ITPR2: variants seen among roughly 807,000 people sequenced by gnomAD.
The protein encoded by ITPR2 is inositol 1,4,5-trisphosphate-gated calcium channel ITPR2.
Under a neutral mutation model 317.1 loss-of-function variants are expected in ITPR2, and 207 were observed. That is an observed-to-expected ratio of 0.65 (90% CI 0.58 to 0.73). The LOEUF (loss-of-function observed/expected upper bound fraction) is 0.73, where lower values mean the gene tolerates loss of function less well. ITPR2 is among the 30% of genes least tolerant of loss of function. The pLI, the probability that ITPR2 is intolerant of heterozygous loss-of-function variation, is 0.00. For missense variants in ITPR2, 2,613 were observed against 3,284.0 expected (o/e 0.80, Z 4.99); for synonymous variants, 1,156 against 1,149.1 (o/e 1.01, Z -0.12).
At chr12:26,666,995 CA>C (rs1947644997) in intron 13 of ITPR2, among the ~76,000 whole-genome samples, 1 of 152,280 alleles carries the variant, frequency 6.6e-6, no homozygotes, top group African/African-American at 2.4e-5. Context: ...TGGTAAAGTA[CA>C]ACTTAATTAC....
At chr12:26,785,139 C>T in intron 2 of ITPR2, among the ~76,000 whole-genome samples, 1 of 43,036 alleles carries the variant, frequency 2.3e-5, no homozygotes, top group African/African-American at 5.7e-5. Context: ...AGGAGCGTCT[C>T]CGCCCGGCAG....
intron 1 of ITPR2, among the ~76,000 whole-genome samples, chr12:26,800,575 C>T (rs1321760528): frequency 1.3e-5 from 2 of 151,990 alleles, no homozygotes; most frequent in Non-Finnish European, 2.9e-5. Context: ...TGAGCCTGGG[C>T]AACATAGCAA....
chr12:26,457,710 A>G (rs1423526822), intron 45 of ITPR2, among the ~76,000 whole-genome samples: 4 of 152,202 alleles, frequency 2.6e-5, no homozygotes, highest in Non-Finnish European at 4.4e-5. Context: ...GTGGGACTGT[A>G]CAGTGGTTAG....
At chr12:26,768,261 T>G (rs1199940371) in intron 2 of ITPR2, among the ~76,000 whole-genome samples, 4 of 101,500 alleles carry the variant, frequency 3.9e-5, no homozygotes, top group Non-Finnish European at 6.3e-5. Flanking sequence ...CTGGGGACGG[T>G]GGTGGGGTCG....
At chr12:26,713,245 C>G (rs902728087) in intron 8 of ITPR2, among the ~76,000 whole-genome samples, 3 of 152,186 alleles carry the variant, frequency 2.0e-5, no homozygotes, top group Non-Finnish European at 4.4e-5. Context: ...CTCCCCAGCC[C>G]TTCCAATCAT....
At chr12:26,794,499 T>C (rs1950396665) in intron 1 of ITPR2, among the ~76,000 whole-genome samples, 1 of 152,142 alleles carries the variant, frequency 6.6e-6, no homozygotes, top group Admixed American at 6.5e-5. Context: ...CTATAGAAAT[T>C]AACTGAAATC....
chr12:26,649,822 T>TAGACAGAC (rs58621399), intron 21 of ITPR2, among the ~76,000 whole-genome samples: 12 of 119,914 alleles, frequency 1.0e-4, no homozygotes, highest in Admixed American at 3.3e-4. Context: ...GATAGATAGA[T>TAGACAGAC]AGACAGACAG....
At chr12:26,811,421 T>A (rs940489802) in intron 1 of ITPR2, among the ~76,000 whole-genome samples, 3 of 143,442 alleles carry the variant, frequency 2.1e-5, no homozygotes, top group Non-Finnish European at 4.6e-5. Context: ...CCATCCTGGC[T>A]AACGCGGTGA....
intron 7 of ITPR2, 40 bp from the exon 8 acceptor site, chr12:26,715,485 G>T: frequency 6.4e-7 from 1 of 1,573,078 alleles, no homozygotes; most frequent in Non-Finnish European, 8.7e-7. Flanking sequence ...AAACAGATGT[G>T]AGAAGCAGGT....
chr12:26,721,019 T>C (rs1052944753), intron 5 of ITPR2, among the ~76,000 whole-genome samples: 1 of 152,152 alleles, frequency 6.6e-6, no homozygotes, highest in African/African-American at 2.4e-5. Context: ...GGGATACTAT[T>C]CAGTGGAGGG....
chr12:26,359,256 G>A (rs2136574273), intron 55 of ITPR2, among the ~76,000 whole-genome samples: 1 of 152,346 alleles, frequency 6.6e-6, no homozygotes, highest in South Asian at 2.1e-4. Flanking sequence ...GTCTGGAGGT[G>A]AGAAATATTC....
At chr12:26,599,078 TA>T in intron 30 of ITPR2, 66 bp downstream of exon 30, 1 of 1,381,954 alleles carries the variant, frequency 7.2e-7, no homozygotes, top group South Asian at 1.2e-5. Flanking sequence ...TTTTTCACTG[TA>T]ATAGAAAATG....
At chr12:26,456,286 C>T (rs968450242) in intron 45 of ITPR2, among the ~76,000 whole-genome samples, 2 of 152,218 alleles carry the variant, frequency 1.3e-5, no homozygotes, top group Admixed American at 6.5e-5. Context: ...GTCCTTACTG[C>T]TCATTATACA....
chr12:26,412,161 G>C (rs1292774833), intron 51 of ITPR2, among the ~76,000 whole-genome samples: 1 of 152,202 alleles, frequency 6.6e-6, no homozygotes, highest in Non-Finnish European at 1.5e-5. Flanking sequence ...GGTAGGTCCA[G>C]TTGTAGCTAC....
At chr12:26,395,529 C>T (rs1939969991) in intron 54 of ITPR2, among the ~76,000 whole-genome samples, 1 of 152,098 alleles carries the variant, frequency 6.6e-6, no homozygotes, top group Non-Finnish European at 1.5e-5. Context: ...AGCCTCTGGT[C>T]CATTCTTCCA....
At chr12:26,640,395 C>T in intron 21 of ITPR2, among the ~76,000 whole-genome samples, 1 of 152,008 alleles carries the variant, frequency 6.6e-6, no homozygotes, top group African/African-American at 2.4e-5. Context: ...AAAACATATA[C>T]TTAGAATGTT....
At chr12:26,389,370 A>C (rs945874804) in intron 54 of ITPR2, among the ~76,000 whole-genome samples, 1 of 152,208 alleles carries the variant, frequency 6.6e-6, no homozygotes, top group African/African-American at 2.4e-5. Context: ...CTTTAGTATG[A>C]GTCCCATGCA....
chr12:26,719,886 C>T (rs1948804658), intron 5 of ITPR2, among the ~76,000 whole-genome samples: 1 of 152,010 alleles, frequency 6.6e-6, no homozygotes, highest in South Asian at 2.1e-4. Flanking sequence ...GACCTTTATT[C>T]CCTTTTAAAA....
chr12:26,646,003 T>C (rs570849628), intron 21 of ITPR2, among the ~76,000 whole-genome samples: 1 of 144,252 alleles, frequency 6.9e-6, no homozygotes, highest in Non-Finnish European at 1.5e-5. Context: ...TAAGATACTC[T>C]GAGTATATCC....
Sources: gnomAD v4.1 joint callset for allele counts (sites outside exome capture counted in the v4.1 genomes callset) on GRCh38, gnomAD v4.1.1 for gene constraint, MANE v1.5 for transcripts, NCBI Gene and HGNC (gene_info 2026-07-23, HGNC 2026-07-21) for gene names.